The following AGRN variants were observed in gnomAD, a reference collection of about 807,000 sequenced individuals.
The protein encoded by AGRN is agrin proteoglycan.
In AGRN, 106 loss-of-function variants were observed where a neutral mutation model predicts 211.0. That is an observed-to-expected ratio of 0.50 (90% CI 0.43 to 0.59). The LOEUF (loss-of-function observed/expected upper bound fraction) is 0.59. AGRN is among the 20% of genes least tolerant of loss of function. AGRN has a pLI of 0.00. For synonymous variants in AGRN, 1,525 were observed against 1,332.5 expected, an observed-to-expected ratio of 1.14 and a Z score of -3.15; for missense variants, 3,040 against 2,982.6, an observed-to-expected ratio of 1.02 and a Z score of -0.45.
chr1:1,050,144 G>A, intron 27 of AGRN, 89 bp from the exon 28 acceptor site: 2 of 1,594,262 alleles, frequency 1.3e-6, no homozygotes, highest in Non-Finnish European at 1.7e-6. Flanking sequence ...AGTCTAGTCT[G>A]GGTTTTGAGT....
Position 1,045,952 on chromosome 1 carries a change from C to T in AGRN, c.2681-12C>T. ...ACCCGAGCCACAGAGGTTTCCCATG[C>T]CCGTGCCCCAGACGCTTCTGCGCCT... On this transcript the variant is annotated splice_polypyrimidine_tract_variant and intron_variant, in intron 15 of 35. Coordinates refer to ENST00000379370, the MANE Select transcript of AGRN (RefSeq NM_198576.4). 6.2e-7 allele frequency: 1 copy of T among 1,613,214 alleles called. No homozygotes were observed. The highest frequency in any genetic ancestry group is 8.5e-7 in the Non-Finnish European group (1 of 1,180,000).
chr1:1,034,776 G>T, intron 2 of AGRN: 1 of 975,612 alleles, frequency 1.0e-6, no homozygotes, highest in South Asian at 3.9e-5. Context: ...GAGGCTGGAG[G>T]CCGCGGCGGG....
chr1:1,041,762 CCCGGGGGAGGG>C (rs1644946727), intron 6 of AGRN, 60 bp downstream of exon 6: 2 of 1,453,232 alleles, frequency 1.4e-6, no homozygotes, highest in Non-Finnish European at 1.8e-6. Context: ...GGGCGGCTCC[CCCGGGGGAGGG>C]CTCCGGCCAG....
intron 33 of AGRN, chr1:1,053,381 C>A: frequency 1.6e-6 from 2 of 1,223,608 alleles, no homozygotes; most frequent in Non-Finnish European, 1.1e-6. Flanking sequence ...CTGCTCCTTG[C>A]ACCCCACAGT....
At chr1:1,027,048 C>T (rs1323061317) in intron 2 of AGRN, among the ~76,000 whole-genome samples, 1 of 152,192 alleles carries the variant, frequency 6.6e-6, no homozygotes, top group Non-Finnish European at 1.5e-5. Flanking sequence ...CAGCACAGAT[C>T]CTGGGAACTT....
rs1242463471 is a variant in AGRN at position 1,049,887 on chromosome 1, G to A, written c.4745-16G>A. ...CTCCTGGGACCTCGGTCCCGGTCCC[G>A]TCTTCCTCCATCCAGGACCAACCTG... On this transcript the variant is annotated splice_polypyrimidine_tract_variant and intron_variant, in intron 26 of 35. Transcript: ENST00000379370. The A allele has an allele frequency of 6.8e-6, 11 of 1,611,756 alleles. No individual in the cohort carries two copies. Among genetic ancestry groups the A allele is most frequent in the African/African-American group, 6.7e-5 (5 of 74,770 alleles).
chr1:1,021,737 C>T (rs545638511), intron 1 of AGRN, among the ~76,000 whole-genome samples: 48 of 152,352 alleles, frequency 3.2e-4, no homozygotes, highest in African/African-American at 1.1e-3. Context: ...ACTGTAGAAG[C>T]CCGAGGAAGG....
intron 35 of AGRN, 97 bp downstream of exon 35, chr1:1,054,648 G>T: frequency 2.7e-6 from 4 of 1,496,162 alleles, no homozygotes; most frequent in Non-Finnish European, 3.6e-6. Flanking sequence ...GAGTCAGGGT[G>T]CATGTGAGCC....
At chr1:1,053,418 C>T (rs1170250814) in intron 33 of AGRN, 13 of 1,380,320 alleles carry the variant, frequency 9.4e-6, no homozygotes, top group Non-Finnish European at 1.2e-5. Flanking sequence ...ATTGGCCCCG[C>T]CTGTCCCCTG....
rs773483670 is a variant in AGRN, at chr1:1,043,226, G to A, written c.1385-13G>A. 3.0e-5 allele frequency: 45 copies of A among 1,491,946 alleles called. No homozygotes were observed. The highest frequency in any genetic ancestry group is 8.4e-5 in the South Asian group (7 of 83,278). The allele number at this position is 1,491,946 out of a possible 1,614,324, so 92.4% of individuals were successfully genotyped here. On this transcript the variant is annotated splice_polypyrimidine_tract_variant and intron_variant, in intron 7 of 35. Transcript: ENST00000379370. Reference sequence around the variant, plus strand: ...GGGCTTGTGGGACCACTGAGCCCCTGTGTCCTTCCCAGACCAGGCCCCGTC... The same window carrying A: ...GGGCTTGTGGGACCACTGAGCCCCTATGTCCTTCCCAGACCAGGCCCCGTC...
chr1:1,042,198 C>T (rs770507744), intron 7 of AGRN, 36 bp downstream of exon 7: 1 of 1,568,116 alleles, frequency 6.4e-7, no homozygotes, highest in Non-Finnish European at 8.6e-7. Context: ...GCGGGGTGGG[C>T]TGCTCCTGCG....
chr1:1,029,602 T>C (rs984403433), intron 2 of AGRN, among the ~76,000 whole-genome samples: 1 of 147,116 alleles, frequency 6.8e-6, no homozygotes, highest in Admixed American at 6.7e-5. Flanking sequence ...TGTGTGTGTG[T>C]GCAGTGCATG....
Position 1,041,346 on chromosome 1 carries a change from C to G in AGRN, c.901C>G (p.Arg301Gly). 2 of 1,529,254 alleles carry G rather than the reference C, an allele frequency of 1.3e-6. No homozygotes were observed. Among genetic ancestry groups the G allele is most frequent in the East Asian group, 2.4e-5 (1 of 41,064 alleles). The allele number at this position is 1,529,254 out of a possible 1,614,324, so 94.7% of individuals were successfully genotyped here. A position where few individuals can be genotyped will look rare whatever the true frequency, so the allele number is the denominator to read the frequency against. Residue 301 changes from arginine to glycine, a missense_variant, in exon 5 of 36, where the codon CGC (arginine) becomes GGC (glycine). Arg to Gly is a moderately radical substitution (Grantham distance 125). Transcript: ENST00000379370. Reference protein sequence around the residue: ...DYPGECQLLRRACARQENVFK... With the variant: ...DYPGECQLLRGACARQENVFK... Reference sequence around the variant, plus strand: ...CCCCGGCGAGTGCCAGCTCCTGCGCCGCGCCTGCGCCCGCCAGGAGAATGT... The same window carrying G: ...CCCCGGCGAGTGCCAGCTCCTGCGCGGCGCCTGCGCCCGCCAGGAGAATGT...
intron 32 of AGRN, 33 bp downstream of exon 32, chr1:1,051,678 G>A (rs746200550): frequency 1.3e-5 from 21 of 1,612,838 alleles, no homozygotes; most frequent in African/African-American, 5.3e-5. Flanking sequence ...GGCGGAGGCC[G>A]GATGGGCCCG....
chr1:1,047,420 T>C lies in AGRN; in HGVS notation c.3482T>C (p.Leu1161Pro), dbSNP rs1158084828. ...TPEMADPKSE[L>P]FGETARSIES... is the part of the protein sequence containing the mutation. ...GAGATGGCTGACCCCAAGTCAGAAC[T>C]GTTCGGGGAGACAGCCAGGAGCATT... The change falls in exon 20 of 36, where the codon CTG becomes CCG. Residue 1161 changes from leucine (L) to proline (P), a missense_variant. Leu to Pro is a moderately conservative substitution (Grantham distance 98). Around this residue, in one of 3 missense-constraint regions of AGRN, gnomAD observed 1,537 missense variants for 1,505.0 expected, o/e 1.02. Transcript: ENST00000379370. 2.5e-6 allele frequency: 4 copies of C among 1,612,662 alleles called. No homozygotes were observed. The highest frequency in any genetic ancestry group is 3.3e-5 in the Admixed American group (2 of 59,974).
At position 1,051,258 on chromosome 1, in the gene AGRN, G is replaced by A. The variant is rs771715098; in HGVS notation, c.5259G>A (p.Pro1753=). ...GPRVLGESPV[P]HTVLNLKEPL... Reference sequence around the variant, plus strand: ...CTTACCTGGCGTCCCCGCAGGTTCCGCACACCGTCCTCAACCTGAAGGAGC... The same window carrying A: ...CTTACCTGGCGTCCCCGCAGGTTCCACACACCGTCCTCAACCTGAAGGAGC... The change falls in exon 31 of 36, where the codon CCG becomes CCA. Residue 1753 remains proline (P), a synonymous_variant. Coordinates refer to ENST00000379370, the MANE Select transcript of AGRN (RefSeq NM_198576.4). 1.6e-5 allele frequency: 26 copies of A among 1,581,306 alleles called. No individual in the cohort carries two copies. Among genetic ancestry groups the A allele is most frequent in the East Asian group, 2.3e-5 (1 of 43,194 alleles).
intron 2 of AGRN, among the ~76,000 whole-genome samples, chr1:1,028,405 G>C (rs1459910381): frequency 1.4e-5 from 2 of 148,002 alleles, no homozygotes; most frequent in African/African-American, 4.9e-5. Flanking sequence ...CTTGGTTGGG[G>C]TTGGGGGCAC....
At chr1:1,054,388 G>A (rs1645395451) in intron 34 of AGRN, 60 bp from the exon 35 acceptor site, 1 of 1,435,056 alleles carries the variant, frequency 7.0e-7, no homozygotes, top group Non-Finnish European at 9.6e-7. Flanking sequence ...AGGGCTTATG[G>A]TCTAGAGGAG....
At chr1:1,025,040 A>C (rs1644489720) in intron 2 of AGRN, among the ~76,000 whole-genome samples, 1 of 151,870 alleles carries the variant, frequency 6.6e-6, no homozygotes. Context: ...CCCACCTCAC[A>C]AAGGCTGGTC....
Sources: allele counts gnomAD v4.1 joint callset (sites outside exome capture counted in the v4.1 genomes callset), GRCh38; gene constraint gnomAD v4.1.1; regional missense constraint gnomAD v4.1.1; transcripts MANE v1.5; gene names NCBI Gene and HGNC (gene_info 2026-07-23, HGNC 2026-07-21).